CNTN5: variants seen among roughly 807,000 people sequenced by gnomAD.
The protein encoded by CNTN5 is contactin 5.
Under a neutral mutation model 129.1 loss-of-function variants are expected in CNTN5, and 77 were observed. The observed-to-expected ratio is 0.60, with a 90% CI of 0.50 to 0.72. The LOEUF is 0.72. Ranked by LOEUF, CNTN5 falls within the 30% of genes least tolerant of loss-of-function variation. The pLI is 0.00. For missense variants in CNTN5, 1,478 were observed against 1,328.8 expected (o/e 1.11, Z -1.75); for synonymous variants, 509 against 465.6 (o/e 1.09, Z -1.20).
intron 3 of CNTN5, among the ~76,000 whole-genome samples, chr11:99,739,182 C>T (rs1943811782): frequency 6.6e-6 from 1 of 152,092 alleles, no homozygotes; most frequent in Non-Finnish European, 1.5e-5. Flanking sequence ...ATTGTTATTC[C>T]CTTATGAACT....
intron 1 of CNTN5, among the ~76,000 whole-genome samples, chr11:99,192,066 AACC>A (rs1419721824): frequency 1.3e-5 from 2 of 151,860 alleles, no homozygotes; most frequent in African/African-American, 4.8e-5. Context: ...GAAGAATAAA[AACC>A]ACATGATCAT....
chr11:100,327,835 A>G (rs1401824697), intron 21 of CNTN5, among the ~76,000 whole-genome samples: 1 of 152,148 alleles, frequency 6.6e-6, no homozygotes, highest in Non-Finnish European at 1.5e-5. Context: ...GATTAATAGA[A>G]AGACAAAATT....
chr11:100,343,024 T>C (rs1262098133), intron 23 of CNTN5, among the ~76,000 whole-genome samples: 2 of 152,204 alleles, frequency 1.3e-5, no homozygotes, highest in Non-Finnish European at 2.9e-5. Flanking sequence ...GCTTGGCATA[T>C]AAAATGTTCT....
intron 4 of CNTN5, among the ~76,000 whole-genome samples, chr11:99,840,520 GAAA>G (rs60299337): frequency 6.9e-6 from 1 of 145,938 alleles, no homozygotes; most frequent in African/African-American, 2.5e-5. Context: ...TCTTTTCTAA[GAAA>G]AAAAAAAGCC....
intron 1 of CNTN5, among the ~76,000 whole-genome samples, chr11:99,134,906 G>C (rs4559653): frequency 0.08 from 12,229 of 152,188 alleles, 509 homozygotes; most frequent in Middle Eastern, 0.11. Context: ...TGTGTGTCCA[G>C]CAAAAGGAAG....
At chr11:99,353,409 C>G (rs577628884) in intron 2 of CNTN5, among the ~76,000 whole-genome samples, 1 of 152,252 alleles carries the variant, frequency 6.6e-6, no homozygotes, top group South Asian at 2.1e-4. Flanking sequence ...TGAGTGTATG[C>G]TTGTCCAAAC....
At chr11:100,045,685 G>T (rs1490587327) in intron 9 of CNTN5, among the ~76,000 whole-genome samples, 1 of 148,756 alleles carries the variant, frequency 6.7e-6, no homozygotes, top group African/African-American at 2.5e-5. Context: ...AACACATACT[G>T]ACTACCTAAA....
chr11:99,786,836 G>A (rs1277637152), intron 3 of CNTN5, among the ~76,000 whole-genome samples: 3 of 152,016 alleles, frequency 2.0e-5, no homozygotes, highest in African/African-American at 4.8e-5. Flanking sequence ...TTCCTTACAC[G>A]TTATACAAAA....
At chr11:99,468,642 GTGAGTTTTCACCT>G (rs1945039651) in intron 2 of CNTN5, among the ~76,000 whole-genome samples, 1 of 91,176 alleles carries the variant, frequency 1.1e-5, no homozygotes, top group Non-Finnish European at 2.2e-5. Flanking sequence ...ACATATAAGT[GTGAGTTTTCACCT>G]TTTTTTTTTT....
intron 6 of CNTN5, among the ~76,000 whole-genome samples, chr11:99,855,938 A>G (rs1015307641): frequency 7.2e-5 from 11 of 152,192 alleles, no homozygotes; most frequent in South Asian, 2.1e-4. Context: ...TCATAATAAA[A>G]CTAGAAACCA....
chr11:99,179,369 G>A (rs1430608954), intron 1 of CNTN5, among the ~76,000 whole-genome samples: 3 of 152,088 alleles, frequency 2.0e-5, no homozygotes, highest in African/African-American at 4.8e-5. Context: ...TCGAACCTGG[G>A]AGGCAGAGGT....
intron 1 of CNTN5, among the ~76,000 whole-genome samples, chr11:99,074,939 G>A (rs903016587): frequency 2.6e-5 from 4 of 152,180 alleles, no homozygotes; most frequent in South Asian, 2.1e-4. Flanking sequence ...AAAACATGCC[G>A]CATTGAAAAA....
At position 100,206,082 on chromosome 11, in the gene CNTN5, T is replaced by C. The variant is rs191133967; in HGVS notation, c.1884+12419T>C. Among the ~76,000 whole-genome samples, 11 of 147,338 alleles carry C rather than the reference T, an allele frequency of 7.5e-5. No individual in the cohort carries two copies. In the South Asian group the frequency reaches 7.6e-4, roughly 10 times the overall value. On this transcript the variant is annotated intron_variant, in intron 15 of 24. Transcript: ENST00000524871. Reference sequence around the variant, plus strand: ...ACAGAGGAACATACATATAGAGATATGGCAATTGTAATGAAGGAAGTATGT... The same window carrying C: ...ACAGAGGAACATACATATAGAGATACGGCAATTGTAATGAAGGAAGTATGT...
At chr11:99,964,232 T>C (rs1268301707) in intron 8 of CNTN5, among the ~76,000 whole-genome samples, 4 of 148,016 alleles carry the variant, frequency 2.7e-5, no homozygotes, top group African/African-American at 1.0e-4. Context: ...CATCCCTGTC[T>C]TGTGCCCGTT....
rs369761251 is a variant in CNTN5 at position 99,158,869 on chromosome 11, A to G, written c.-210+137599A>G. Among the ~76,000 whole-genome samples the G allele has an allele frequency of 3.9e-5, 6 of 152,290 alleles. No individual in the cohort carries two copies. In the South Asian group the frequency reaches 8.3e-4, roughly 21 times the overall value. On this transcript the variant is annotated intron_variant, in intron 1 of 24. Transcript: ENST00000524871. Reference sequence around the variant, plus strand: ...ATAATAAAAGTAAATACAAGGCTTCAGGGTTATATAAACCTTCAGTAAATT... The same window carrying G: ...ATAATAAAAGTAAATACAAGGCTTCGGGGTTATATAAACCTTCAGTAAATT...
At chr11:99,869,268 A>G (rs920991599) in intron 6 of CNTN5, among the ~76,000 whole-genome samples, 2 of 152,274 alleles carry the variant, frequency 1.3e-5, no homozygotes, top group African/African-American at 4.8e-5. Context: ...CATGGGATAC[A>G]CAGAGGAAAT....
At chr11:100,283,004 G>A (rs1950674934) in intron 18 of CNTN5, among the ~76,000 whole-genome samples, 1 of 151,882 alleles carries the variant, frequency 6.6e-6, no homozygotes, top group South Asian at 2.1e-4. Flanking sequence ...TTCTGTCCCT[G>A]GGCAGGTCCA....
At chr11:99,599,861 G>A (rs763913736) in intron 3 of CNTN5, among the ~76,000 whole-genome samples, 16 of 151,918 alleles carry the variant, frequency 1.1e-4, no homozygotes, top group Non-Finnish European at 1.6e-4. Context: ...ACATTTAAAA[G>A]TCAATAAAAC....
At chr11:99,027,748 C>T (rs1197013664) in intron 1 of CNTN5, among the ~76,000 whole-genome samples, 1 of 151,638 alleles carries the variant, frequency 6.6e-6, no homozygotes, top group Non-Finnish European at 1.5e-5. Context: ...TCTGGTATTA[C>T]ATTGCTTGTA....
Sources: allele counts gnomAD v4.1 joint callset (sites outside exome capture counted in the v4.1 genomes callset), GRCh38; gene constraint gnomAD v4.1.1; transcripts MANE v1.5; gene names NCBI Gene and HGNC (gene_info 2026-07-23, HGNC 2026-07-21).